The following PHF24 variants were observed in gnomAD, a reference collection of about 807,000 sequenced individuals.
The protein encoded by PHF24 is PHD finger protein 24.
In PHF24, 25 loss-of-function variants were observed where a neutral mutation model predicts 42.6. The ratio of observed to expected loss-of-function variants is 0.59; its 90% CI spans 0.43 to 0.82. PHF24 has a LOEUF of 0.82. PHF24 is among the 40% of genes least tolerant of loss of function. The pLI is 0.00. For synonymous variants in PHF24, 185 were observed against 204.8 expected (o/e 0.90, Z 0.83); for missense variants, 470 against 538.1 (o/e 0.87, Z 1.25).
chr9:34,915,026 C>CTTTTTTT, the PHF24 span, among the ~76,000 whole-genome samples: 17 of 37,442 alleles, frequency 4.5e-4, no homozygotes, highest in East Asian at 6.8e-4. Context: ...TTTTTCTTTT[C>CTTTTTTT]TTTTTTTTTT....
the PHF24 span, among the ~76,000 whole-genome samples, chr9:34,830,784 G>A: frequency 6.6e-6 from 1 of 152,188 alleles, no homozygotes; most frequent in Non-Finnish European, 1.5e-5. Context: ...GTGTGAGGGA[G>A]AATGTGAATA....
the PHF24 span, among the ~76,000 whole-genome samples, chr9:34,851,886 A>G: frequency 1.3e-5 from 2 of 152,352 alleles, no homozygotes; most frequent in Middle Eastern, 3.4e-3. Flanking sequence ...AAGGATATAA[A>G]TGATTTACAT....
At chr9:34,879,132 T>C in the PHF24 span, among the ~76,000 whole-genome samples, 3 of 152,210 alleles carry the variant, frequency 2.0e-5, no homozygotes, top group African/African-American at 2.4e-5. Flanking sequence ...CCAACAGACC[T>C]GCAGCTGAGA....
At chr9:34,949,477 G>C in the PHF24 span, among the ~76,000 whole-genome samples, 1 of 152,164 alleles carries the variant, frequency 6.6e-6, no homozygotes, top group Non-Finnish European at 1.5e-5. Flanking sequence ...ATGCCCGTTT[G>C]ACCCAGCAAT....
chr9:34,963,974 A>C (rs992660445), intron 1 of PHF24, among the ~76,000 whole-genome samples: 23 of 152,354 alleles, frequency 1.5e-4, no homozygotes, highest in Admixed American at 6.5e-5. Context: ...TTCATTCAAC[A>C]AAGATTTAAG....
the PHF24 span, among the ~76,000 whole-genome samples, chr9:34,873,631 G>C: frequency 6.6e-6 from 1 of 151,780 alleles, no homozygotes; most frequent in Non-Finnish European, 1.5e-5. Flanking sequence ...TTTGAAGTCA[G>C]GTAGCGTGAT....
the PHF24 span, among the ~76,000 whole-genome samples, chr9:34,788,682 C>T: frequency 6.6e-6 from 1 of 152,136 alleles, no homozygotes; most frequent in Non-Finnish European, 1.5e-5. Flanking sequence ...GCGGTGTGCT[C>T]CCATTGTTAG....
At chr9:34,860,691 T>C in the PHF24 span, among the ~76,000 whole-genome samples, 1 of 151,834 alleles carries the variant, frequency 6.6e-6, no homozygotes, top group East Asian at 1.9e-4. Flanking sequence ...TTTAAAAGTG[T>C]GTGTGTGTGT....
the PHF24 span, among the ~76,000 whole-genome samples, chr9:34,738,096 T>C: frequency 6.6e-6 from 1 of 152,192 alleles, no homozygotes; most frequent in African/African-American, 2.4e-5. Flanking sequence ...CTCAGCTATT[T>C]ATCTTCTCAA....
chr9:34,774,716 T>C, the PHF24 span, among the ~76,000 whole-genome samples: 1 of 151,910 alleles, frequency 6.6e-6, no homozygotes. Flanking sequence ...GAGGTTGGAG[T>C]GAGCAGAGAT....
the PHF24 span, among the ~76,000 whole-genome samples, chr9:34,950,530 A>T: frequency 4.6e-5 from 7 of 152,226 alleles, no homozygotes; most frequent in South Asian, 1.5e-3. Flanking sequence ...AAATAAGAAA[A>T]TATTTTTAAT....
chr9:34,692,785 CTT>C, the PHF24 span, among the ~76,000 whole-genome samples: 12 of 120,034 alleles, frequency 1.0e-4, no homozygotes, highest in African/African-American at 1.5e-4. Context: ...TTCTTTTGTC[CTT>C]TTTTTTTTTT....
the PHF24 span, among the ~76,000 whole-genome samples, chr9:34,773,179 G>A: frequency 2.0e-5 from 3 of 152,066 alleles, no homozygotes; most frequent in South Asian, 4.2e-4. Context: ...TAGTAGAGAT[G>A]GGGTTTCTCC....
the PHF24 span, among the ~76,000 whole-genome samples, chr9:34,692,943 T>C: frequency 6.6e-6 from 1 of 152,162 alleles, no homozygotes; most frequent in South Asian, 2.1e-4. Flanking sequence ...CCCACCATCA[T>C]GCCCGGCTAA....
chr9:34,814,977 G>A, the PHF24 span, among the ~76,000 whole-genome samples: 1 of 152,184 alleles, frequency 6.6e-6, no homozygotes, highest in Non-Finnish European at 1.5e-5. Flanking sequence ...CCGACCTCAG[G>A]TGATCTGCCC....
At chr9:34,924,679 G>A in the PHF24 span, among the ~76,000 whole-genome samples, 1 of 152,108 alleles carries the variant, frequency 6.6e-6, no homozygotes, top group Non-Finnish European at 1.5e-5. Flanking sequence ...TAGGTGAAGT[G>A]TGTTTCTTGT....
chr9:34,719,399 A>G, the PHF24 span, among the ~76,000 whole-genome samples: 4,033 of 152,136 alleles, frequency 0.027, 66 homozygotes, highest in African/African-American at 0.042. Flanking sequence ...GCCTCTCTTC[A>G]CCCTGGGGAA....
the PHF24 span, chr9:34,723,226 C>T: frequency 1.3e-4 from 197 of 1,550,128 alleles, 1 homozygote; most frequent in East Asian, 3.8e-3. Context: ...AGGTGAGGGT[C>T]AGGAGCTAGG....
the PHF24 span, among the ~76,000 whole-genome samples, chr9:34,851,766 C>G: frequency 6.6e-6 from 1 of 152,136 alleles, no homozygotes; most frequent in African/African-American, 2.4e-5. Context: ...ACCTAATTGT[C>G]GATCACAAGT....
Sources: gnomAD v4.1 joint callset for allele counts (sites outside exome capture counted in the v4.1 genomes callset) on GRCh38, gnomAD v4.1.1 for gene constraint, MANE v1.5 for transcripts, NCBI Gene and HGNC (gene_info 2026-07-23, HGNC 2026-07-21) for gene names.